Variants in NRF1 observed in about 807,000 individuals in gnomAD.
The protein encoded by NRF1 is alpha palindromic-binding protein.
A neutral mutation model predicts 58.5 loss-of-function variants in NRF1; 5 were observed. The ratio of observed to expected loss-of-function variants is 0.09; its 90% CI spans 0.04 to 0.18. The LOEUF is 0.18. Ranked by LOEUF, NRF1 falls within the 10% of genes least tolerant of loss-of-function variation. The pLI is 1.00. For synonymous variants in NRF1, 224 were observed against 246.7 expected (o/e 0.91, Z 0.86); for missense variants, 288 against 657.7 (o/e 0.44, Z 6.15).
At chr7:129,753,808 A>T (rs1431106582) in intron 10 of NRF1, among the ~76,000 whole-genome samples, 1 of 152,144 alleles carries the variant, frequency 6.6e-6, no homozygotes, top group Non-Finnish European at 1.5e-5. Flanking sequence ...CAAGTGACCT[A>T]GGCTTTAAAA....
chr7:129,687,204 A>G (rs955053371), intron 4 of NRF1, among the ~76,000 whole-genome samples: 2 of 151,012 alleles, frequency 1.3e-5, no homozygotes, highest in African/African-American at 2.4e-5. Context: ...AGGCAATGCT[A>G]TATTTCTTTA....
chr7:129,621,481 G>T (rs1359381361), intron 1 of NRF1, among the ~76,000 whole-genome samples: 5 of 152,126 alleles, frequency 3.3e-5, no homozygotes, highest in African/African-American at 7.2e-5. Flanking sequence ...TTTTCCTTTG[G>T]GAACTTTTTT....
At chr7:129,612,239 G>A (rs1800549020) in intron 1 of NRF1, among the ~76,000 whole-genome samples, 1 of 151,246 alleles carries the variant, frequency 6.6e-6, no homozygotes, top group Admixed American at 6.6e-5. Context: ...GGCGGGCTGC[G>A]CGGGACCGGA....
chr7:129,713,863 TG>T (rs1205322073), intron 8 of NRF1, among the ~76,000 whole-genome samples: 2 of 152,218 alleles, frequency 1.3e-5, no homozygotes, highest in African/African-American at 2.4e-5. Flanking sequence ...AGGAGAGGGA[TG>T]GGAGTTCTAT....
At chr7:129,704,339 A>C (rs1304127323) in intron 5 of NRF1, among the ~76,000 whole-genome samples, 3 of 152,138 alleles carry the variant, frequency 2.0e-5, no homozygotes, top group African/African-American at 7.2e-5. Flanking sequence ...CCCATCCTTG[A>C]AAAACTAATG....
chr7:129,625,675 A>ATTTTTTT (rs56694598), intron 1 of NRF1, among the ~76,000 whole-genome samples: 7 of 88,990 alleles, frequency 7.9e-5, no homozygotes, highest in Non-Finnish European at 1.2e-4. Flanking sequence ...TAATGTTTTA[A>ATTTTTTT]TTTTTTTTTT....
At chr7:129,661,016 A>G (rs1801768370) in intron 2 of NRF1, among the ~76,000 whole-genome samples, 1 of 151,238 alleles carries the variant, frequency 6.6e-6, no homozygotes. Flanking sequence ...CCAAACTCCA[A>G]TCCTTGACTT....
intron 3 of NRF1, among the ~76,000 whole-genome samples, chr7:129,674,569 G>T (rs570483019): frequency 6.6e-6 from 1 of 152,216 alleles, no homozygotes; most frequent in South Asian, 2.1e-4. Flanking sequence ...AAGTAGTTGG[G>T]ACAATAGGTG....
At chr7:129,727,482 T>C in intron 10 of NRF1, 117 bp downstream of exon 10, 1 of 994,528 alleles carries the variant, frequency 1.0e-6, no homozygotes, top group Admixed American at 3.3e-5. Context: ...TTTTCTTCAT[T>C]GGTAGACATT....
At chr7:129,727,407 C>G (rs1803474548) in intron 10 of NRF1, 42 bp downstream of exon 10, 1 of 1,551,106 alleles carries the variant, frequency 6.4e-7, no homozygotes, top group Non-Finnish European at 8.6e-7. Context: ...TTCCCTGTTT[C>G]CACTTAAACC....
chr7:129,673,445 C>T (rs935348411), intron 3 of NRF1, among the ~76,000 whole-genome samples: 6 of 152,126 alleles, frequency 3.9e-5, no homozygotes, highest in Non-Finnish European at 7.4e-5. Flanking sequence ...AAGCTGTTTT[C>T]GGGGTCGGGC....
intron 1 of NRF1, among the ~76,000 whole-genome samples, chr7:129,655,063 T>G (rs757954093): frequency 2.0e-5 from 3 of 152,256 alleles, no homozygotes; most frequent in Admixed American, 2.0e-4. Context: ...ATCTTGACAG[T>G]ATTGTGTCTT....
At chr7:129,712,206 C>T (rs1471818377) in intron 8 of NRF1, among the ~76,000 whole-genome samples, 1 of 151,996 alleles carries the variant, frequency 6.6e-6, no homozygotes, top group Non-Finnish European at 1.5e-5. Context: ...TGCCCAAAGT[C>T]CCATAGCAGT....
intron 2 of NRF1, among the ~76,000 whole-genome samples, chr7:129,664,909 A>G (rs748928226): frequency 2.0e-5 from 3 of 152,182 alleles, no homozygotes; most frequent in Admixed American, 1.3e-4. Context: ...GGGGGGAGAA[A>G]AGAGTTTGTT....
At chr7:129,688,383 T>A (rs1291887393) in intron 4 of NRF1, among the ~76,000 whole-genome samples, 1 of 152,138 alleles carries the variant, frequency 6.6e-6, no homozygotes, top group Non-Finnish European at 1.5e-5. Flanking sequence ...TGCCTCAACT[T>A]CCCAATGTGC....
intron 9 of NRF1, among the ~76,000 whole-genome samples, chr7:129,719,828 C>T (rs1297779847): frequency 1.3e-4 from 20 of 152,122 alleles, no homozygotes; most frequent in Admixed American, 1.2e-3. Flanking sequence ...ATTCTCCGCC[C>T]GACTGTAGCT....
At chr7:129,698,656 C>T (rs1802752322) in intron 5 of NRF1, among the ~76,000 whole-genome samples, 1 of 152,132 alleles carries the variant, frequency 6.6e-6, no homozygotes. Context: ...CAGTTCCTCT[C>T]AAACTTCAGA....
chr7:129,645,444 A>G (rs1323407563), intron 1 of NRF1, among the ~76,000 whole-genome samples: 2 of 152,188 alleles, frequency 1.3e-5, no homozygotes, highest in Non-Finnish European at 2.9e-5. Flanking sequence ...GCCCAGTTGT[A>G]TAATAAGAAA....
chr7:129,634,061 TACACAC>T lies in NRF1; in HGVS notation c.-7+22256_-7+22261del, dbSNP rs141834786. 6.6e-3 allele frequency among the ~76,000 whole-genome samples: 870 copies of T among 131,440 alleles called. 5 individuals carry two copies. Among genetic ancestry groups the T allele is most frequent in the African/African-American group, 0.018 (613 of 34,548 alleles). 86.2% of individuals were successfully genotyped at this position (131,440 alleles called of 152,430 possible). On this transcript the variant is annotated intron_variant, in intron 1 of 10. Coordinates refer to ENST00000393232, the MANE Select transcript of NRF1 (RefSeq NM_005011.5). ...AAAAAAAGATATATATATATATATA[TACACAC>T]ACACACACACACACACACTTTATTT...
Sources: allele counts gnomAD v4.1 joint callset (sites outside exome capture counted in the v4.1 genomes callset), GRCh38; gene constraint gnomAD v4.1.1; transcripts MANE v1.5; gene names NCBI Gene and HGNC (gene_info 2026-07-23, HGNC 2026-07-21).